Variants in XRN1 observed in about 807,000 individuals in gnomAD.
XRN1 encodes 5'-3' exoribonuclease 1.
A neutral mutation model predicts 222.3 loss-of-function variants in XRN1; 67 were observed. The observed-to-expected ratio is 0.30, with a 90% CI of 0.25 to 0.37. The LOEUF (loss-of-function observed/expected upper bound fraction) is 0.37. Ranked by LOEUF, XRN1 falls within the 10% of genes least tolerant of loss-of-function variation. The pLI, the probability that XRN1 is intolerant of heterozygous loss-of-function variation, is 1.00. For missense variants in XRN1, 1,707 were observed against 2,000.2 expected, an observed-to-expected ratio of 0.85 and a Z score of 2.80; for synonymous variants, 643 against 652.4, an observed-to-expected ratio of 0.99 and a Z score of 0.22.
In XRN1 at chr3:142,444,622, A is replaced by T. The variant is rs1389864866; in HGVS notation, c.75+3248T>A. 3.3e-5 allele frequency among the ~76,000 whole-genome samples: 5 copies of T among 151,896 alleles called. No individual in the cohort carries two copies. In the South Asian group the frequency reaches 6.3e-4, roughly 19 times the overall value. On this transcript the variant is annotated intron_variant, in intron 1 of 40. Coordinates refer to ENST00000392981, the MANE Select transcript of XRN1 (RefSeq NM_001282857.2). ...CGACCTTGTATCCAAAATAAAAAATAAAAAAAAAGAATGAATAAGACCTAC... is the reference window on the plus strand; with the variant it reads ...CGACCTTGTATCCAAAATAAAAAATTAAAAAAAAGAATGAATAAGACCTAC...
In XRN1 at chr3:142,309,536, C is replaced by T. The variant is rs1490043098; in HGVS notation, c.*1975G>A. ...CTGGCTGGAAAATAAAACTCTTTCA[C>T]TGCCTATCTGTATAGAACTGTCAGC... On this transcript the variant is annotated 3_prime_UTR_variant, in exon 41 of 41. Coordinates refer to ENST00000392981, the MANE Select transcript of XRN1 (RefSeq NM_001282857.2). The T allele has an allele frequency of 6.6e-6, 1 of 152,250 alleles. No individual in the cohort carries two copies. Among genetic ancestry groups the T allele is most frequent in the Non-Finnish European group, 1.5e-5 (1 of 68,072 alleles). 9.4% of individuals were successfully genotyped at this position (152,250 alleles called of 1,614,324 possible).
At chr3:142,417,099 T>C (rs2068817769) in intron 13 of XRN1, 41 bp downstream of exon 13, 15 of 1,480,980 alleles carry the variant, frequency 1.0e-5, no homozygotes, top group Non-Finnish European at 1.4e-5. Context: ...AATGAATCAT[T>C]ATAAAAAGAC....
chr3:142,375,235 A>C (rs1336338745), intron 25 of XRN1, among the ~76,000 whole-genome samples: 1 of 152,212 alleles, frequency 6.6e-6, no homozygotes, highest in African/African-American at 2.4e-5. Context: ...TTCAAATATA[A>C]GGTTAGAAAC....
Position 142,417,154 on chromosome 3 carries a change from A to G in XRN1, c.1422T>C (p.Val474=). 1 of 1,613,278 alleles carries G rather than the reference A, an allele frequency of 6.2e-7. No individual in the cohort carries two copies. The highest frequency in any genetic ancestry group is 8.5e-7 in the Non-Finnish European group (1 of 1,179,568). Residue 474 remains valine (V), a synonymous_variant, in exon 13 of 41, where the codon GTT becomes GTC. Transcript: ENST00000392981. ...TATTCTCTCACCAGCTCCAGGACTGAACTCCATGATAGTAATAGTGCAAAA... is the reference window on the plus strand; with the variant it reads ...TATTCTCTCACCAGCTCCAGGACTGGACTCCATGATAGTAATAGTGCAAAA... ...QWILHYYYHG[V]QSWSWYYPYH...
intron 20 of XRN1, among the ~76,000 whole-genome samples, chr3:142,389,017 C>A (rs1014959642): frequency 4.6e-5 from 7 of 152,266 alleles, no homozygotes; most frequent in Admixed American, 4.6e-4. Context: ...GAGTTTGAGA[C>A]CAACCTGGCC....
At chr3:142,418,424 T>C (rs1236922814) in intron 12 of XRN1, 80 bp downstream of exon 12, 2 of 1,154,926 alleles carry the variant, frequency 1.7e-6, no homozygotes, top group Admixed American at 2.4e-5. Context: ...CTCCCACTAC[T>C]TCATCAAAAT....
chr3:142,400,675 G>T, intron 18 of XRN1, 128 bp from the exon 19 acceptor site: 1 of 629,030 alleles, frequency 1.6e-6, no homozygotes. Flanking sequence ...GCCGGGTGCA[G>T]TGACTCACAC....
Position 142,371,272 on chromosome 3 carries a change from T to C in XRN1, c.3035A>G (p.Glu1012Gly). Reference sequence around the variant, plus strand: ...ATTTTCTCCAGGCCAAATGTCATCTTCATAGAACACATCCTCTTGGCTATT... The same window carrying C: ...ATTTTCTCCAGGCCAAATGTCATCTCCATAGAACACATCCTCTTGGCTATT... ...AKNSQEDVFY[E>G]DDIWPGENEN... The change falls in exon 26 of 41, where the codon GAA becomes GGA. Residue 1012 changes from glutamate to glycine, a missense_variant. Physicochemically the swap from Glu to Gly is moderately conservative, Grantham distance 98. Transcript: ENST00000392981. 6.2e-7 allele frequency: 1 copy of C among 1,613,638 alleles called. No homozygotes were observed. The highest frequency in any genetic ancestry group is 8.5e-7 in the Non-Finnish European group (1 of 1,179,906).
chr3:142,413,996 T>C (rs1403315472), intron 14 of XRN1, 139 bp downstream of exon 14: 3 of 868,212 alleles, frequency 3.5e-6, no homozygotes. Context: ...TCAAGGGACT[T>C]GTTAAAAAAA....
At chr3:142,410,890 T>C (rs1051229011) in intron 15 of XRN1, among the ~76,000 whole-genome samples, 1 of 152,192 alleles carries the variant, frequency 6.6e-6, no homozygotes, top group Non-Finnish European at 1.5e-5. Flanking sequence ...TTTGGGTCTC[T>C]GGAATATGCT....
chr3:142,406,764 G>A (rs1032716018), intron 15 of XRN1, among the ~76,000 whole-genome samples: 12 of 152,114 alleles, frequency 7.9e-5, no homozygotes, highest in Admixed American at 4.6e-4. Flanking sequence ...CTGGGCTCAG[G>A]CAATCCTCCC....
rs200257078 is a variant in XRN1 at position 142,421,590 on chromosome 3, T to C, written c.968-47A>G. ...ATCTGTACTAAAAGCTGACATTTTT[T>C]CTAAACAATTCTACAAAACTCTTTC... On this transcript the variant is annotated intron_variant, in intron 8 of 40. Transcript: ENST00000392981. The C allele has an allele frequency of 6.1e-6, 8 of 1,320,712 alleles. No homozygotes were observed. In the African/African-American group the frequency reaches 1.2e-4, roughly 19 times the overall value. 81.8% of individuals were successfully genotyped at this position (1,320,712 alleles called of 1,614,324 possible). A position where few individuals can be genotyped will look rare whatever the true frequency, so the allele number is the denominator to read the frequency against.
intron 27 of XRN1, among the ~76,000 whole-genome samples, chr3:142,365,678 G>A (rs1353774341): frequency 6.6e-6 from 1 of 151,990 alleles, no homozygotes; most frequent in Admixed American, 6.6e-5. Context: ...AACTATACCT[G>A]GTTCAAGAAA....
Position 142,360,420 on chromosome 3 carries a change from G to A in XRN1, c.3395-489C>T, listed in dbSNP as rs974865759. Among the ~76,000 whole-genome samples the A allele has an allele frequency of 5.9e-5, 9 of 152,212 alleles. No individual in the cohort carries two copies. The East Asian group carries it at 1.5e-3, about 26-fold the overall frequency. ...TATACAATAATTTATCCACTCTCCT[G>A]CCAATAAACATTTAGGTGATTTCTA... On this transcript the variant is annotated intron_variant, in intron 29 of 40. Coordinates refer to ENST00000392981, the MANE Select transcript of XRN1 (RefSeq NM_001282857.2).
At chr3:142,355,257 A>AG in intron 32 of XRN1, 144 bp downstream of exon 32, 3 of 460,344 alleles carry the variant, frequency 6.5e-6, no homozygotes. Flanking sequence ...ATTATTTAAA[A>AG]AAAGAAAAAG....
chr3:142,447,933 G>C lies in XRN1; in HGVS notation c.12C>G (p.Pro4=). 6.2e-7 allele frequency: 1 copy of C among 1,613,944 alleles called. No individual in the cohort carries two copies. The highest frequency in any genetic ancestry group is 8.5e-7 in the Non-Finnish European group (1 of 1,179,956). ...GCTCTGAGATCCATCTGTAAAACTT[G>C]GGGACTCCCATTTCGATCGTCAACA... MGV[P]KFYRWISERY... Residue 4 remains proline (P), a synonymous_variant, in exon 1 of 41, where the codon CCC becomes CCG. Transcript: ENST00000392981. The surrounding 1 kb of genome is among the most constrained non-coding windows in gnomAD (Gnocchi z 4.2).
At chr3:142,432,634 T>C in intron 2 of XRN1, 27 bp downstream of exon 2, 1 of 1,501,996 alleles carries the variant, frequency 6.7e-7, no homozygotes, top group Non-Finnish European at 9.0e-7. Flanking sequence ...CTAAATAATA[T>C]TCCAAAATAA....
intron 20 of XRN1, among the ~76,000 whole-genome samples, chr3:142,391,377 T>C (rs1470680481): frequency 6.6e-6 from 1 of 152,178 alleles, no homozygotes; most frequent in Non-Finnish European, 1.5e-5. Context: ...TTTTCGTCCA[T>C]TTACTTTTTC....
At chr3:142,313,135 C>T (rs1457656057) in intron 39 of XRN1, 1 of 1,611,948 alleles carries the variant, frequency 6.2e-7, no homozygotes. Context: ...AAGGATCTCA[C>T]CTGCCCCCAA....
Sources: gnomAD v4.1 joint callset for allele counts (sites outside exome capture counted in the v4.1 genomes callset) on GRCh38, gnomAD v4.1.1 for gene constraint, Gnocchi (gnomAD v3.1) non-coding constraint, MANE v1.5 for transcripts, NCBI Gene and HGNC (gene_info 2026-07-23, HGNC 2026-07-21) for gene names.